The following CELF2 variants were observed in gnomAD, a reference collection of about 807,000 sequenced individuals.
CELF2 encodes the protein CUGBP Elav-like family member 2.
A neutral mutation model predicts 62.6 loss-of-function variants in CELF2; 8 were observed. The ratio of observed to expected loss-of-function variants is 0.13; its 90% CI spans 0.07 to 0.23. The LOEUF (loss-of-function observed/expected upper bound fraction) is 0.23. Among genes scored for constraint, CELF2 ranks in the 10% least tolerant of loss-of-function variants. The pLI is 1.00. For synonymous variants in CELF2, 258 were observed against 250.0 expected (o/e 1.03, Z -0.30); for missense variants, 333 against 671.0 (o/e 0.50, Z 5.56).
At chr10:10,863,248 C>G (rs1375731544) in intron 1 of CELF2, among the ~76,000 whole-genome samples, 2 of 152,178 alleles carry the variant, frequency 1.3e-5, no homozygotes, top group African/African-American at 4.8e-5. Context: ...CCCACTATCA[C>G]ATTAATCCTC....
At chr10:10,648,587 G>A in the CELF2 span, among the ~76,000 whole-genome samples, 1 of 152,200 alleles carries the variant, frequency 6.6e-6, no homozygotes, top group African/African-American at 2.4e-5. Flanking sequence ...AACCATGCAA[G>A]TCTATAGCCT....
chr10:11,229,464 A>C (rs924755267), intron 3 of CELF2, among the ~76,000 whole-genome samples: 2 of 152,202 alleles, frequency 1.3e-5, no homozygotes, highest in Non-Finnish European at 2.9e-5. Context: ...GTCCATTTGC[A>C]TATAAAACCG....
chr10:10,773,300 G>A, the CELF2 span, among the ~76,000 whole-genome samples: 1 of 152,150 alleles, frequency 6.6e-6, no homozygotes, highest in Non-Finnish European at 1.5e-5. Flanking sequence ...CGTTGATATA[G>A]GCACAAACAA....
rs1211185708 is a variant in CELF2, at chr10:11,224,059, A to G, written c.354+6552A>G. Among the ~76,000 whole-genome samples the G allele has an allele frequency of 6.6e-6, 1 of 152,164 alleles. No individual in the cohort carries two copies. Among genetic ancestry groups the G allele is most frequent in the Non-Finnish European group, 1.5e-5 (1 of 68,032 alleles). Reference sequence around the variant, plus strand: ...ACTAGTTATTTTTAAAGCATGGCCTACTCGGTATAAGGAATTGTACGAGAG... The same window carrying G: ...ACTAGTTATTTTTAAAGCATGGCCTGCTCGGTATAAGGAATTGTACGAGAG... On this transcript the variant is annotated intron_variant, in intron 3 of 12. Transcript: ENST00000633077. The surrounding 1 kb of genome is among the most constrained non-coding windows in gnomAD (Gnocchi z 4.5).
chr10:10,866,065 C>T (rs1294444690), intron 1 of CELF2, among the ~76,000 whole-genome samples: 2 of 152,144 alleles, frequency 1.3e-5, no homozygotes, highest in East Asian at 3.9e-4. Context: ...CATGTTCACA[C>T]TGGTCCAGGA....
the CELF2 span, among the ~76,000 whole-genome samples, chr10:10,497,544 T>TA: frequency 5.3e-5 from 8 of 151,746 alleles, no homozygotes; most frequent in East Asian, 1.9e-4. Context: ...TGCTACAGGT[T>TA]AAAAAAAAGA....
At chr10:11,091,656 A>G (rs1258123066) in intron 1 of CELF2, among the ~76,000 whole-genome samples, 2 of 152,144 alleles carry the variant, frequency 1.3e-5, no homozygotes, top group African/African-American at 4.8e-5. Context: ...GCGAACCCGA[A>G]TTTTTTTCCC....
At chr10:11,196,983 A>AAGAAAGGAAGGAAGG (rs1314606649) in intron 2 of CELF2, among the ~76,000 whole-genome samples, 5 of 28,946 alleles carry the variant, frequency 1.7e-4, no homozygotes, top group African/African-American at 7.1e-4. Flanking sequence ...GAAAGAGAGA[A>AAGAAAGGAAGGAAGG]AGAAAGAAAG....
chr10:10,735,440 T>C, the CELF2 span, among the ~76,000 whole-genome samples: 1 of 152,210 alleles, frequency 6.6e-6, no homozygotes, highest in Non-Finnish European at 1.5e-5. Context: ...TAAGTTTTTA[T>C]TAATTTTAGC....
rs1285297918 is a variant in CELF2 at position 11,104,516 on chromosome 10, C to T, written c.75-60970C>T. ...GACCAGCCTGGGCAATACCTTGTCC[C>T]TACAAAAAATACAAAAATTAGCCAG... On this transcript the variant is annotated intron_variant, in intron 1 of 12. Coordinates refer to ENST00000633077, the MANE Select transcript of CELF2 (RefSeq NM_001326342.2). 2.0e-5 allele frequency among the ~76,000 whole-genome samples: 3 copies of T among 152,110 alleles called. No homozygotes were observed. In the East Asian group the frequency reaches 5.8e-4, roughly 29 times the overall value.
At chr10:11,080,635 A>G (rs890573518) in intron 1 of CELF2, among the ~76,000 whole-genome samples, 2 of 152,266 alleles carry the variant, frequency 1.3e-5, no homozygotes, top group African/African-American at 4.8e-5. Flanking sequence ...CTGTGAGAAG[A>G]TAATTGGTGC....
Position 11,260,721 on chromosome 10 carries a change from A to G in CELF2, c.538+2849A>G, listed in dbSNP as rs2080264674. ...TGAGAATTCCCTGTTGCAAAAAAAG[A>G]AAAATAAGAAAGAAAGAAAATACTC... On this transcript the variant is annotated intron_variant, in intron 5 of 12. Transcript: ENST00000633077. This position sits in a 1 kb window ranked among gnomAD's most constrained non-coding sequence, Gnocchi z 4.2. Among the ~76,000 whole-genome samples, 1 of 152,058 alleles carries G rather than the reference A, an allele frequency of 6.6e-6. No individual in the cohort carries two copies. The highest frequency in any genetic ancestry group is 6.5e-5 in the Admixed American group (1 of 15,276).
chr10:10,909,945 A>G (rs920276802), intron 1 of CELF2, among the ~76,000 whole-genome samples: 4 of 152,100 alleles, frequency 2.6e-5, no homozygotes, highest in Non-Finnish European at 5.9e-5. Flanking sequence ...TGTGTGTTGA[A>G]CAAATGAATA....
chr10:10,553,194 T>G, the CELF2 span, among the ~76,000 whole-genome samples: 1 of 152,142 alleles, frequency 6.6e-6, no homozygotes, highest in African/African-American at 2.4e-5. Context: ...GAGAGCTTGG[T>G]TCAGGGGAAC....
chr10:10,472,413 T>C, the CELF2 span, among the ~76,000 whole-genome samples: 1 of 151,934 alleles, frequency 6.6e-6, no homozygotes, highest in African/African-American at 2.4e-5. Context: ...TTTTTAGTTC[T>C]CAAATTTATA....
At chr10:10,854,700 C>T (rs2059599903) in intron 1 of CELF2, among the ~76,000 whole-genome samples, 1 of 152,042 alleles carries the variant, frequency 6.6e-6, no homozygotes, top group Non-Finnish European at 1.5e-5. Flanking sequence ...TGTCTTCCTC[C>T]AAATTCCAAC....
chr10:11,111,163 G>A (rs948327312), intron 1 of CELF2, among the ~76,000 whole-genome samples: 2 of 152,068 alleles, frequency 1.3e-5, no homozygotes, highest in African/African-American at 4.8e-5. Flanking sequence ...TTTTACTCAG[G>A]GGCTCAGACT....
chr10:11,098,875 C>T lies in CELF2; in HGVS notation c.75-66611C>T, dbSNP rs541163259. On this transcript the variant is annotated intron_variant, in intron 1 of 12. Transcript: ENST00000633077. This position sits in a 1 kb window ranked among gnomAD's most constrained non-coding sequence, Gnocchi z 4.0. ...AGGCCACGCGTGAGAGCAGCTTCCC[C>T]GAACCTCTCTCATCCCCTCAGTTTG... Among the ~76,000 whole-genome samples the T allele has an allele frequency of 7.4e-4, 112 of 152,262 alleles. No individual in the cohort carries two copies. The highest frequency in any genetic ancestry group is 1.3e-3 in the Non-Finnish European group (91 of 68,018).
In CELF2 at chr10:11,110,129, C is replaced by T. The variant is rs2054736958; in HGVS notation, c.75-55357C>T. 1.3e-5 allele frequency among the ~76,000 whole-genome samples: 2 copies of T among 152,104 alleles called. No homozygotes were observed. The highest frequency in any genetic ancestry group is 4.2e-4 in the South Asian group (2 of 4,818). ...TTTAAAAATTAGTTGGGCATGGTGG[C>T]ATGCTCCTGTAGTCCCAGCTACTTG... On this transcript the variant is annotated intron_variant, in intron 1 of 12. Transcript: ENST00000633077. This position sits in a 1 kb window ranked among gnomAD's most constrained non-coding sequence, Gnocchi z 4.0.
Sources: gnomAD v4.1 joint callset for allele counts (sites outside exome capture counted in the v4.1 genomes callset) on GRCh38, gnomAD v4.1.1 for gene constraint, Gnocchi (gnomAD v3.1) non-coding constraint, MANE v1.5 for transcripts, NCBI Gene and HGNC (gene_info 2026-07-23, HGNC 2026-07-21) for gene names.